SLC31A1: variants seen among roughly 807,000 people sequenced by gnomAD.
The protein encoded by SLC31A1 is high affinity copper uptake protein 1.
Under a neutral mutation model 17.2 loss-of-function variants are expected in SLC31A1, and 5 were observed. The ratio of observed to expected loss-of-function variants is 0.29; its 90% CI spans 0.15 to 0.61. SLC31A1 has a LOEUF of 0.61. Among genes scored for constraint, SLC31A1 ranks in the 20% least tolerant of loss-of-function variants. SLC31A1 has a pLI of 0.86. For missense variants in SLC31A1, 161 were observed against 241.4 expected (o/e 0.67, Z 2.21); for synonymous variants, 76 against 78.8 (o/e 0.96, Z 0.19).
chr9:113,242,901 G>T (rs1831536576), intron 1 of SLC31A1, among the ~76,000 whole-genome samples: 1 of 152,134 alleles, frequency 6.6e-6, no homozygotes, highest in African/African-American at 2.4e-5. Flanking sequence ...CTTAGAAACA[G>T]GTATGAGTTT....
chr9:113,232,443 T>C (rs958711056), intron 1 of SLC31A1, among the ~76,000 whole-genome samples: 3 of 152,108 alleles, frequency 2.0e-5, no homozygotes, highest in African/African-American at 7.2e-5. Context: ...AAAAAATGAC[T>C]GACCACCTGA....
At chr9:113,256,391 G>T in intron 2 of SLC31A1, 114 bp downstream of exon 2, 1 of 1,233,504 alleles carries the variant, frequency 8.1e-7, no homozygotes, top group Non-Finnish European at 1.1e-6. Context: ...TACCAGTGAG[G>T]ATAACTAAAG....
At chr9:113,241,416 T>G (rs1266388160) in intron 1 of SLC31A1, among the ~76,000 whole-genome samples, 12 of 152,222 alleles carry the variant, frequency 7.9e-5, no homozygotes, top group African/African-American at 2.9e-4. Flanking sequence ...TCTTCTGTAT[T>G]TGGCTTGACT....
rs1216080157 is a variant in SLC31A1, at chr9:113,261,759, A to C, written c.*1286A>C. 1.3e-5 allele frequency: 2 copies of C among 152,618 alleles called. No homozygotes were observed. The highest frequency in any genetic ancestry group is 2.9e-5 in the Non-Finnish European group (2 of 68,050). 9.5% of individuals were successfully genotyped at this position (152,618 alleles called of 1,614,324 possible). A position where few individuals can be genotyped will look rare whatever the true frequency, so the allele number is the denominator to read the frequency against. The stretch of plus-strand genomic sequence containing the variant: ...AAGTGGCACTTCTGAGTTCCTGCTG[A>C]TGTTACAAGGGACCACACTTTTGAG... On this transcript the variant is annotated 3_prime_UTR_variant, in exon 5 of 5. Transcript: ENST00000374212.
At chr9:113,256,809 C>T (rs1831733652) in intron 2 of SLC31A1, among the ~76,000 whole-genome samples, 1 of 150,174 alleles carries the variant, frequency 6.7e-6, no homozygotes, top group Non-Finnish European at 1.5e-5. Context: ...TGTAGTGAGC[C>T]GAGATCTCGC....
chr9:113,242,902 G>A (rs1831536615), intron 1 of SLC31A1, among the ~76,000 whole-genome samples: 1 of 152,164 alleles, frequency 6.6e-6, no homozygotes, highest in Non-Finnish European at 1.5e-5. Flanking sequence ...TTAGAAACAG[G>A]TATGAGTTTT....
chr9:113,261,362 G>A lies in SLC31A1; in HGVS notation c.*889G>A, dbSNP rs1482134901. On this transcript the variant is annotated 3_prime_UTR_variant, in exon 5 of 5. Transcript: ENST00000374212. ...TACGTTATACCAAAATCTTTGTAGT[G>A]TGCAGAGCGGTGGTTTGAGACTAAA... is the stretch of plus-strand genomic sequence containing the variant. The A allele has an allele frequency of 1.3e-5, 2 of 152,638 alleles. No individual in the cohort carries two copies. Among genetic ancestry groups the A allele is most frequent in the African/African-American group, 2.4e-5 (1 of 41,452 alleles). 9.5% of individuals were successfully genotyped at this position (152,638 alleles called of 1,614,324 possible).
chr9:113,242,265 T>G (rs1831530055), intron 1 of SLC31A1, among the ~76,000 whole-genome samples: 1 of 152,136 alleles, frequency 6.6e-6, no homozygotes, highest in Admixed American at 6.5e-5. Context: ...ATTTCAGACT[T>G]AAGAAACAAT....
chr9:113,227,167 G>T (rs1298746124), intron 1 of SLC31A1: 5 of 152,086 alleles, frequency 3.3e-5, no homozygotes, highest in African/African-American at 1.2e-4. Context: ...GAATGCAGAT[G>T]TAGAACCTCT....
Position 113,262,593 on chromosome 9 carries a change from C to T in SLC31A1, c.*2120C>T, listed in dbSNP as rs558352779. On this transcript the variant is annotated 3_prime_UTR_variant, in exon 5 of 5. Coordinates refer to ENST00000374212, the MANE Select transcript of SLC31A1 (RefSeq NM_001859.4). ...GAACCAAGAGAGGGTTATGAGCCTA[C>T]TGGATTGAGGTTAAAATCCAAGAAC... 6.5e-6 allele frequency: 1 copy of T among 152,702 alleles called. No homozygotes were observed. Among genetic ancestry groups the T allele is most frequent in the East Asian group, 1.9e-4 (1 of 5,176 alleles). The allele number at this position is 152,702 out of a possible 1,614,324, so 9.5% of individuals were successfully genotyped here.
At chr9:113,236,640 G>A (rs572521084) in intron 1 of SLC31A1, among the ~76,000 whole-genome samples, 9 of 152,288 alleles carry the variant, frequency 5.9e-5, no homozygotes, top group Non-Finnish European at 1.2e-4. Context: ...GGGATTACAG[G>A]CATGAGCCAC....
At chr9:113,234,852 C>G (rs1831438543) in intron 1 of SLC31A1, among the ~76,000 whole-genome samples, 1 of 152,182 alleles carries the variant, frequency 6.6e-6, no homozygotes, top group Non-Finnish European at 1.5e-5. Context: ...TGTATTTTTA[C>G]ATTTGATATT....
intron 1 of SLC31A1, among the ~76,000 whole-genome samples, chr9:113,253,958 C>CTTGTT (rs1831691092): frequency 9.1e-6 from 1 of 110,418 alleles, no homozygotes; most frequent in Non-Finnish European, 1.8e-5. Context: ...TACCCACAGT[C>CTTGTT]TTTTTTTTTT....
At position 113,260,770 on chromosome 9, in the gene SLC31A1, C is replaced by T. The variant is rs1008317098; in HGVS notation, c.*297C>T. ...TCATCTTAGAGCCAAGTTATATGTT[C>T]TTGTCTAATCCATGTAGCTTTTTGT... On this transcript the variant is annotated 3_prime_UTR_variant, in exon 5 of 5. Transcript: ENST00000374212. 20 of 418,078 alleles carry T rather than the reference C, an allele frequency of 4.8e-5. No individual in the cohort carries two copies. Among genetic ancestry groups the T allele is most frequent in the Non-Finnish European group, 8.1e-5 (18 of 222,496 alleles). 25.9% of individuals were successfully genotyped at this position (418,078 alleles called of 1,614,324 possible). A position where few individuals can be genotyped will look rare whatever the true frequency, so the allele number is the denominator to read the frequency against.
chr9:113,238,859 T>C (rs996443362), intron 1 of SLC31A1, among the ~76,000 whole-genome samples: 2 of 152,208 alleles, frequency 1.3e-5, no homozygotes, highest in South Asian at 2.1e-4. Context: ...GTCGAGTTTG[T>C]TTAGATCACT....
At position 113,258,732 on chromosome 9, in the gene SLC31A1, A is replaced by G. The variant is rs770379332; in HGVS notation, c.241A>G (p.Met81Val). ...TTTTGTGGCAGTGTTTTTACTAGCA[A>G]TGTTCTATGAAGGACTCAAGATAGC... ...GAFVAVFLLAMFYEGLKIARE... is the reference protein window; with the variant it reads ...GAFVAVFLLAVFYEGLKIARE... Residue 81 changes from methionine (M) to valine (V), a missense_variant, in exon 4 of 5, where the codon ATG becomes GTG. Coordinates refer to ENST00000374212, the MANE Select transcript of SLC31A1 (RefSeq NM_001859.4). The surrounding 1 kb of genome is among the most constrained non-coding windows in gnomAD (Gnocchi z 4.8). The G allele has an allele frequency of 8.1e-6, 13 of 1,614,078 alleles. No homozygotes were observed. In the East Asian group the frequency reaches 1.1e-4, roughly 14 times the overall value.
rs768940219 is a variant in SLC31A1 at position 113,263,298 on chromosome 9, T to C, written c.*2825T>C. 3 of 152,234 alleles carry C rather than the reference T, an allele frequency of 2.0e-5. No homozygotes were observed. The highest frequency in any genetic ancestry group is 4.4e-5 in the Non-Finnish European group (3 of 68,042). The allele number at this position is 152,234 out of a possible 1,614,324, so 9.4% of individuals were successfully genotyped here. A position where few individuals can be genotyped will look rare whatever the true frequency, so the allele number is the denominator to read the frequency against. ...GAAAAACCTGAATTTCAGAGATTCT[T>C]AGACTGGCTGCCAAAGGATGAAGCT... On this transcript the variant is annotated 3_prime_UTR_variant, in exon 5 of 5. Transcript: ENST00000374212.
At position 113,245,025 on chromosome 9, in the gene SLC31A1, TTTAAGTTTTTGCCAG is replaced by T. The variant is rs1233738569; in HGVS notation, c.-35-11086_-35-11072del. On this transcript the variant is annotated intron_variant, in intron 1 of 4. Coordinates refer to ENST00000374212, the MANE Select transcript of SLC31A1 (RefSeq NM_001859.4). ...TTGGTATGGCACAACTTTAGGAGTC[TTTAAGTTTTTGCCAG>T]TTCTGGCCGAGACCCATAGTTTAAT... Among the ~76,000 whole-genome samples the T allele has an allele frequency of 1.4e-4, 21 of 152,212 alleles. 1 individual carries two copies. Among genetic ancestry groups the T allele is most frequent in the Non-Finnish European group, 1.3e-4 (9 of 68,034 alleles).
At chr9:113,234,480 A>ATTT (rs869088669) in intron 1 of SLC31A1, among the ~76,000 whole-genome samples, 4,803 of 60,268 alleles carry the variant, frequency 0.08, 766 homozygotes, top group African/African-American at 0.1. Context: ...CCTGGCCATC[A>ATTT]TTTTTTTTTT....
Sources: gnomAD v4.1 joint callset for allele counts (sites outside exome capture counted in the v4.1 genomes callset) on GRCh38, gnomAD v4.1.1 for gene constraint, Gnocchi (gnomAD v3.1) non-coding constraint, MANE v1.5 for transcripts, NCBI Gene and HGNC (gene_info 2026-07-23, HGNC 2026-07-21) for gene names.